The following SAMMSON variants were observed in gnomAD, a reference collection of about 807,000 sequenced individuals.
SAMMSON encodes survival associated mitochondrial melanoma specific oncogenic non-coding RNA, also known as long intergenic non-protein coding RNA 1212.
At chr3:70,183,800 C>G (rs1300220381) in intron 4 of SAMMSON, 1 of 152,138 alleles carries the variant, frequency 6.6e-6, no homozygotes, top group Admixed American at 6.5e-5. Flanking sequence ...TTTCTCAGTT[C>G]CCAAACTGAG....
At chr3:70,038,569 A>T (rs181229591) in intron 3 of SAMMSON, among the ~76,000 whole-genome samples, 1 of 152,178 alleles carries the variant, frequency 6.6e-6, no homozygotes, top group African/African-American at 2.4e-5. Context: ...AACATAATTT[A>T]TACAGAAAGG....
At chr3:70,011,734 C>G (rs1209629623) in intron 1 of SAMMSON, among the ~76,000 whole-genome samples, 1 of 151,758 alleles carries the variant, frequency 6.6e-6, no homozygotes, top group African/African-American at 2.4e-5. Flanking sequence ...CCTATAATGC[C>G]ATTCAAACAT....
intron 1 of SAMMSON, among the ~76,000 whole-genome samples, chr3:70,001,372 A>G (rs1232137653): frequency 1.6e-4 from 25 of 151,978 alleles, no homozygotes; most frequent in Admixed American, 1.6e-3. Flanking sequence ...GGAAATACAG[A>G]AATGAATGGG....
intron 4 of SAMMSON, among the ~76,000 whole-genome samples, chr3:70,212,792 C>T (rs548019243): frequency 4.7e-5 from 7 of 148,698 alleles, no homozygotes; most frequent in Admixed American, 4.0e-4. Flanking sequence ...TTCCCATTTT[C>T]TCTCTCTTTT....
At chr3:70,231,456 G>T (rs774615267) in intron 4 of SAMMSON, among the ~76,000 whole-genome samples, 1 of 152,192 alleles carries the variant, frequency 6.6e-6, no homozygotes, top group Non-Finnish European at 1.5e-5. Context: ...CTCTAAAAGA[G>T]CTCCCTTCTA....
At chr3:70,386,559 A>G (rs774203607) in intron 9 of SAMMSON, among the ~76,000 whole-genome samples, 9 of 152,120 alleles carry the variant, frequency 5.9e-5, no homozygotes, top group Admixed American at 1.3e-4. Flanking sequence ...GAGTTACTGC[A>G]GGGATTAGAC....
chr3:70,028,100 C>T (rs2067048784), intron 3 of SAMMSON, among the ~76,000 whole-genome samples: 1 of 151,080 alleles, frequency 6.6e-6, no homozygotes, highest in Non-Finnish European at 1.5e-5. Context: ...TTCCTTCCTT[C>T]CTTCCTTCCT....
At chr3:70,124,089 T>C (rs893957851) in intron 4 of SAMMSON, among the ~76,000 whole-genome samples, 1 of 152,166 alleles carries the variant, frequency 6.6e-6, no homozygotes, top group Non-Finnish European at 1.5e-5. Flanking sequence ...CTGGCCTTGG[T>C]TTCCTGAACA....
At chr3:70,210,548 A>T (rs1701332954) in intron 4 of SAMMSON, among the ~76,000 whole-genome samples, 1 of 152,114 alleles carries the variant, frequency 6.6e-6, no homozygotes, top group African/African-American at 2.4e-5. Flanking sequence ...TTATTGTATT[A>T]TTCGACATTG....
At chr3:70,047,420 T>C (rs556074865) in intron 3 of SAMMSON, among the ~76,000 whole-genome samples, 7 of 150,628 alleles carry the variant, frequency 4.6e-5, no homozygotes, top group Admixed American at 3.3e-4. Flanking sequence ...CACTGCAACC[T>C]CTGCCTCCTG....
chr3:70,224,290 A>C (rs1701484477), intron 4 of SAMMSON, among the ~76,000 whole-genome samples: 1 of 152,216 alleles, frequency 6.6e-6, no homozygotes, highest in Non-Finnish European at 1.5e-5. Flanking sequence ...TCCTCCAAGC[A>C]CACTGCAATG....
intron 7 of SAMMSON, among the ~76,000 whole-genome samples, chr3:70,342,301 A>G (rs913527277): frequency 2.0e-5 from 3 of 152,154 alleles, no homozygotes; most frequent in African/African-American, 7.2e-5. Context: ...CTCACTTCAA[A>G]CTTGTATCTT....
intron 9 of SAMMSON, among the ~76,000 whole-genome samples, chr3:70,364,663 T>C (rs746024577): frequency 1.3e-5 from 2 of 151,878 alleles, no homozygotes; most frequent in African/African-American, 2.4e-5. Context: ...TTATTTATTT[T>C]ATCCAGGACA....
chr3:70,035,096 C>G (rs1403791959), intron 3 of SAMMSON, among the ~76,000 whole-genome samples: 2 of 152,046 alleles, frequency 1.3e-5, no homozygotes, highest in African/African-American at 4.8e-5. Flanking sequence ...GGGATTTTAC[C>G]TGGAAATTAT....
chr3:70,199,056 A>G (rs1024966274), intron 4 of SAMMSON, among the ~76,000 whole-genome samples: 1 of 152,182 alleles, frequency 6.6e-6, no homozygotes, highest in African/African-American at 2.4e-5. Flanking sequence ...CTCCAAGTGA[A>G]TACTCTGTGA....
chr3:70,002,584 G>T (rs764981738), intron 1 of SAMMSON, among the ~76,000 whole-genome samples: 106 of 152,106 alleles, frequency 7.0e-4, no homozygotes, highest in Non-Finnish European at 1.1e-3. Flanking sequence ...TTTTGAAGAG[G>T]ATTATTATCA....
chr3:70,209,714 C>G (rs950654202), intron 4 of SAMMSON, among the ~76,000 whole-genome samples: 2 of 152,042 alleles, frequency 1.3e-5, no homozygotes, highest in African/African-American at 2.4e-5. Context: ...TTATTCTTAG[C>G]TTTTATCTCT....
intron 2 of SAMMSON, among the ~76,000 whole-genome samples, chr3:70,398,575 G>T (rs977171567): frequency 6.6e-6 from 1 of 152,144 alleles, no homozygotes; most frequent in Non-Finnish European, 1.5e-5. Context: ...GTAGATAGAA[G>T]ATATTCTGAA....
At chr3:70,079,014 A>T (rs998820100) in intron 4 of SAMMSON, among the ~76,000 whole-genome samples, 2 of 152,218 alleles carry the variant, frequency 1.3e-5, no homozygotes, top group African/African-American at 4.8e-5. Flanking sequence ...TCTTTTATGT[A>T]CTATCTATGG....
Sources: allele counts gnomAD v4.1 joint callset (sites outside exome capture counted in the v4.1 genomes callset), GRCh38; gene constraint gnomAD v4.1.1; transcripts MANE v1.5; gene names NCBI Gene and HGNC (gene_info 2026-07-23, HGNC 2026-07-21).